CWF19L2: variants seen among roughly 807,000 people sequenced by gnomAD.
CWF19L2 encodes the protein CWF19 like cell cycle control factor 2.
In CWF19L2, 98 loss-of-function variants were observed where a neutral mutation model predicts 111.7. The observed-to-expected ratio is 0.88, with a 90% CI of 0.75 to 1.04. The LOEUF (loss-of-function observed/expected upper bound fraction) is 1.04, where lower values mean the gene tolerates loss of function less well. CWF19L2 is among the 50% of genes least tolerant of loss of function. CWF19L2 has a pLI of 0.00. For missense variants in CWF19L2, 1,101 were observed against 1,051.4 expected (o/e 1.05, Z -0.65); for synonymous variants, 351 against 342.9 (o/e 1.02, Z -0.26).
chr11:107,398,127 G>C (rs757159962), intron 10 of CWF19L2, among the ~76,000 whole-genome samples: 2 of 152,028 alleles, frequency 1.3e-5, no homozygotes, highest in Non-Finnish European at 2.9e-5. Flanking sequence ...GCTCTTCAAC[G>C]CCTCCCAAAA....
At chr11:107,354,876 A>G (rs979659104) in intron 12 of CWF19L2, among the ~76,000 whole-genome samples, 2 of 152,104 alleles carry the variant, frequency 1.3e-5, no homozygotes, top group Non-Finnish European at 2.9e-5. Context: ...GTTTAATTCT[A>G]CTCATTTTTC....
intron 12 of CWF19L2, among the ~76,000 whole-genome samples, chr11:107,362,577 T>C (rs978782642): frequency 2.6e-4 from 39 of 152,072 alleles, no homozygotes; most frequent in African/African-American, 8.9e-4. Context: ...ACACCTCACA[T>C]GGCTGGGTAC....
intron 6 of CWF19L2, among the ~76,000 whole-genome samples, chr11:107,434,197 A>G (rs1446104698): frequency 1.3e-5 from 2 of 151,928 alleles, no homozygotes; most frequent in East Asian, 3.9e-4. Flanking sequence ...TTAAGGAATA[A>G]AAGGACACAC....
At chr11:107,404,500 T>G in intron 10 of CWF19L2, 1 of 740,650 alleles carries the variant, frequency 1.4e-6, no homozygotes, top group Non-Finnish European at 2.5e-6. Context: ...GATGACTGTA[T>G]GGACTGTATC....
At position 107,428,840 on chromosome 11, in the gene CWF19L2, T is replaced by C. The variant is rs1042395670; in HGVS notation, c.1392A>G (p.Pro464=). 3 of 1,612,206 alleles carry C rather than the reference T, an allele frequency of 1.9e-6. No individual in the cohort carries two copies. The highest frequency in any genetic ancestry group is 1.1e-5 in the South Asian group (1 of 90,744). ...SQDEVLRDDP[P]KKEHLRDTKS... is the part of the protein sequence containing the mutation. Reference sequence around the variant, plus strand: ...TTGTATCCCGTAGATGTTCTTTTTTTGGAGGGTCATCTCTCAAGACTTCAT... The same window carrying C: ...TTGTATCCCGTAGATGTTCTTTTTTCGGAGGGTCATCTCTCAAGACTTCAT... The change falls in exon 8 of 18, where the codon CCA becomes CCG. Residue 464 remains proline, a synonymous_variant. Coordinates refer to ENST00000282251, the MANE Select transcript of CWF19L2 (RefSeq NM_152434.3).
chr11:107,449,045 C>T (rs1368369744), intron 3 of CWF19L2, among the ~76,000 whole-genome samples: 1 of 146,406 alleles, frequency 6.8e-6, no homozygotes, highest in Non-Finnish European at 1.5e-5. Context: ...TAAAAAGGCA[C>T]ACTACATACA....
chr11:107,353,802 T>C lies in CWF19L2; in HGVS notation c.1873-66A>G, dbSNP rs189858663. On this transcript the variant is annotated intron_variant, in intron 12 of 17. Transcript: ENST00000282251. ...TGATTAAGATTTTACTGCACTGTGG[T>C]ATCCTAAATCTGTATCTGTAAGTTC... is the stretch of plus-strand genomic sequence containing the variant. 4.2e-3 allele frequency: 4,974 copies of C among 1,184,638 alleles called. 25 individuals carry two copies. Among genetic ancestry groups the C allele is most frequent in the Non-Finnish European group, 4.2e-3 (3,346 of 803,950 alleles). The allele number at this position is 1,184,638 out of a possible 1,614,324, so 73.4% of individuals were successfully genotyped here.
intron 10 of CWF19L2, among the ~76,000 whole-genome samples, chr11:107,399,858 A>T (rs1860975662): frequency 6.6e-6 from 1 of 152,182 alleles, no homozygotes; most frequent in African/African-American, 2.4e-5. Context: ...TTGAAACTAT[A>T]TCAAGCACTC....
intron 12 of CWF19L2, among the ~76,000 whole-genome samples, chr11:107,357,813 T>A (rs1860260859): frequency 6.6e-6 from 1 of 152,198 alleles, no homozygotes; most frequent in Admixed American, 6.5e-5. Context: ...TCTCATTATT[T>A]GAGAGTAACA....
intron 3 of CWF19L2, 129 bp downstream of exon 3, chr11:107,454,321 C>A: frequency 1.5e-6 from 1 of 679,392 alleles, no homozygotes; most frequent in Non-Finnish European, 2.1e-6. Context: ...TAGATGTATC[C>A]CAGATATTTT....
chr11:107,353,764 GAGT>G (rs1164028718), intron 12 of CWF19L2, 28 bp from the exon 13 acceptor site: 3 of 1,575,778 alleles, frequency 1.9e-6, no homozygotes, highest in Non-Finnish European at 2.6e-6. Context: ...CAGTAATAGA[GAGT>G]AGAAGGTAGT....
At chr11:107,358,909 G>A (rs1860280402) in intron 12 of CWF19L2, among the ~76,000 whole-genome samples, 1 of 152,142 alleles carries the variant, frequency 6.6e-6, no homozygotes, top group Admixed American at 6.5e-5. Context: ...GATGGTCAGG[G>A]ACTTAGAACA....
At chr11:107,433,783 T>G in intron 6 of CWF19L2, 34 bp from the exon 7 acceptor site, 1 of 1,001,040 alleles carries the variant, frequency 1.0e-6, no homozygotes, top group Non-Finnish European at 1.4e-6. Context: ...GTTATACTTT[T>G]AATGTGGTTA....
chr11:107,394,850 G>A (rs1186255512), intron 10 of CWF19L2, among the ~76,000 whole-genome samples: 1 of 151,976 alleles, frequency 6.6e-6, no homozygotes, highest in Non-Finnish European at 1.5e-5. Flanking sequence ...AATTCACCGT[G>A]TTAAAAACAA....
intron 6 of CWF19L2, among the ~76,000 whole-genome samples, chr11:107,435,975 G>A (rs528491092): frequency 3.3e-4 from 50 of 152,136 alleles, no homozygotes; most frequent in African/African-American, 1.2e-3. Context: ...CCAACATGGT[G>A]AAACCCTGTC....
intron 12 of CWF19L2, among the ~76,000 whole-genome samples, chr11:107,365,425 A>T (rs1196341823): frequency 1.3e-4 from 11 of 86,134 alleles, no homozygotes; most frequent in Non-Finnish European, 2.2e-4. Flanking sequence ...AAAATCCTCA[A>T]TAAAATACTG....
In CWF19L2 at chr11:107,390,162, T is replaced by C; in HGVS notation, c.1784A>G (p.Asp595Gly). The change falls in exon 12 of 18, where the codon GAT becomes GGT. Residue 595 changes from aspartate (D) to glycine (G), a missense_variant. Transcript: ENST00000282251. ...GACTAAATCATTTAGGCTTAGATTA[T>C]CATCATCATGAAAGTATCTGACCCT... ...RERVRYFHDDDNLSLNDLVKN... is the reference protein window; with the variant it reads ...RERVRYFHDDGNLSLNDLVKN... 6.2e-7 allele frequency: 1 copy of C among 1,611,416 alleles called. No homozygotes were observed.
Position 107,369,135 on chromosome 11 carries a change from T to A in CWF19L2, c.1873-15399A>T, listed in dbSNP as rs1860473706. On this transcript the variant is annotated intron_variant, in intron 12 of 17. Transcript: ENST00000282251. ...TAACGCCAGTTGCTTCTATGCTAAC[T>A]ATATCAGCAAGAGTTACACGGTTTT... is the stretch of plus-strand genomic sequence containing the variant. Among the ~76,000 whole-genome samples, 2 of 138,162 alleles carry A rather than the reference T, an allele frequency of 1.4e-5. 1 individual carries two copies. The highest frequency in any genetic ancestry group is 5.8e-5 in the African/African-American group (2 of 34,746). 90.6% of individuals were successfully genotyped at this position (138,162 alleles called of 152,430 possible).
chr11:107,360,263 C>A (rs1860305341), intron 12 of CWF19L2, among the ~76,000 whole-genome samples: 1 of 152,140 alleles, frequency 6.6e-6, no homozygotes, highest in South Asian at 2.1e-4. Flanking sequence ...CTTCCAGATT[C>A]ATTTATGTTG....
Sources: gnomAD v4.1 joint callset for allele counts (sites outside exome capture counted in the v4.1 genomes callset) on GRCh38, gnomAD v4.1.1 for gene constraint, MANE v1.5 for transcripts, NCBI Gene and HGNC (gene_info 2026-07-23, HGNC 2026-07-21) for gene names.